ARHGAP31: variants seen among roughly 807,000 people sequenced by gnomAD.
The protein encoded by ARHGAP31 is Rho GTPase activating protein 31.
In ARHGAP31, 34 loss-of-function variants were observed where a neutral mutation model predicts 113.9. The observed-to-expected ratio is 0.30, with a 90% confidence interval of 0.23 to 0.40. The LOEUF is 0.40. Ranked by LOEUF, ARHGAP31 falls within the 10% of genes least tolerant of loss-of-function variation. ARHGAP31 has a pLI of 1.00. For synonymous variants in ARHGAP31, 650 were observed against 684.8 expected (o/e 0.95, Z 0.79); for missense variants, 1,548 against 1,767.1 (o/e 0.88, Z 2.22).
chr3:119,410,634 A>T (rs995164358), intron 11 of ARHGAP31, among the ~76,000 whole-genome samples: 4 of 152,120 alleles, frequency 2.6e-5, no homozygotes, highest in African/African-American at 9.7e-5. Flanking sequence ...TACAGGGAGG[A>T]CCCTGTAGGA....
At chr3:119,391,958 C>T (rs1343251146) in intron 7 of ARHGAP31, among the ~76,000 whole-genome samples, 4 of 152,154 alleles carry the variant, frequency 2.6e-5, no homozygotes, top group Non-Finnish European at 5.9e-5. Context: ...CTCCCTGATC[C>T]TCCAGAGATC....
intron 1 of ARHGAP31, among the ~76,000 whole-genome samples, chr3:119,333,991 G>A (rs2107608560): frequency 6.6e-6 from 1 of 152,218 alleles, no homozygotes; most frequent in South Asian, 2.1e-4. Context: ...ATCAACCCTG[G>A]CACATGTGCA....
chr3:119,342,842 G>A (rs538575605), intron 1 of ARHGAP31, among the ~76,000 whole-genome samples: 3 of 152,078 alleles, frequency 2.0e-5, no homozygotes, highest in South Asian at 2.1e-4. Flanking sequence ...CCCACTACTC[G>A]GGAGGCTGAG....
At chr3:119,371,921 C>A (rs2080301245) in intron 3 of ARHGAP31, among the ~76,000 whole-genome samples, 1 of 152,132 alleles carries the variant, frequency 6.6e-6, no homozygotes, top group Non-Finnish European at 1.5e-5. Context: ...CATCCATGTT[C>A]CTGCAAAGGA....
At chr3:119,411,548 T>G (rs2080716795) in intron 11 of ARHGAP31, among the ~76,000 whole-genome samples, 2 of 152,080 alleles carry the variant, frequency 1.3e-5, no homozygotes, top group Admixed American at 1.3e-4. Context: ...GGAAGGGAGT[T>G]TAGATGTTCA....
chr3:119,361,893 C>G (rs961725592), intron 1 of ARHGAP31, among the ~76,000 whole-genome samples: 9 of 152,230 alleles, frequency 5.9e-5, no homozygotes, highest in African/African-American at 2.2e-4. Flanking sequence ...AAAGCTAACA[C>G]TTCACAGTGA....
intron 1 of ARHGAP31, among the ~76,000 whole-genome samples, chr3:119,335,459 GGAGA>G: frequency 6.6e-6 from 1 of 152,294 alleles, no homozygotes; most frequent in South Asian, 2.1e-4. Context: ...TCCTCAAAGT[GGAGA>G]CACTTTGAGG....
At chr3:119,337,429 AG>A (rs145822138) in intron 1 of ARHGAP31, among the ~76,000 whole-genome samples, 2,858 of 152,308 alleles carry the variant, frequency 0.019, 83 homozygotes, top group African/African-American at 0.064. Context: ...TCATAAAGGC[AG>A]CACAGACCCA....
rs757142220 is a variant in ARHGAP31, at chr3:119,415,025, A to C, written c.3096A>C (p.Pro1032=). 1.9e-6 allele frequency: 3 copies of C among 1,614,176 alleles called. No homozygotes were observed. The Admixed American group carries it at 5.0e-5, about 27-fold the overall frequency. ...GACCAAGTGGTGTGCAACCCAACCC[A>C]GCAGAAACCAGCCCCATCAGCCTAG... ...QKGPSGVQPN[P]AETSPISLAE... The change falls in exon 12 of 12, where the codon CCA becomes CCC. Residue 1032 remains proline, a synonymous_variant. Coordinates refer to ENST00000264245, the MANE Select transcript of ARHGAP31 (RefSeq NM_020754.4).
chr3:119,307,457 A>G lies in ARHGAP31; in HGVS notation c.100+12453A>G, dbSNP rs1387818718. 9.9e-5 allele frequency among the ~76,000 whole-genome samples: 15 copies of G among 152,198 alleles called. 1 individual carries two copies. The highest frequency in any genetic ancestry group is 9.8e-4 in the Admixed American group (15 of 15,278). Reference sequence around the variant, plus strand: ...GTGGAAGTTGAGAAAGCTGAGAACAAATATTCCAAGGCCCCCATCTATCCC... The same window carrying G: ...GTGGAAGTTGAGAAAGCTGAGAACAGATATTCCAAGGCCCCCATCTATCCC... On this transcript the variant is annotated intron_variant, in intron 1 of 11. Coordinates refer to ENST00000264245, the MANE Select transcript of ARHGAP31 (RefSeq NM_020754.4).
At chr3:119,338,668 T>C (rs1686403759) in intron 1 of ARHGAP31, among the ~76,000 whole-genome samples, 1 of 152,224 alleles carries the variant, frequency 6.6e-6, no homozygotes, top group African/African-American at 2.4e-5. Context: ...AGCTAAAAAA[T>C]AGAATTTTAT....
chr3:119,357,347 T>G (rs1259574547), intron 1 of ARHGAP31, among the ~76,000 whole-genome samples: 1 of 151,400 alleles, frequency 6.6e-6, no homozygotes, highest in Admixed American at 6.6e-5. Flanking sequence ...GCCAGGAAGG[T>G]GTGAAGGTGC....
Position 119,294,544 on chromosome 3 carries a change from T to G in ARHGAP31, c.-361T>G, listed in dbSNP as rs2107588810. ...CGTCTCCGGGGCACTTAGTAAGGGG[T>G]GGGGAGAGCTTGCCCTCCCTCTTAA... On this transcript the variant is annotated 5_prime_UTR_variant, in exon 1 of 12. Transcript: ENST00000264245. 2 of 475,382 alleles carry G rather than the reference T, an allele frequency of 4.2e-6. No homozygotes were observed. The highest frequency in any genetic ancestry group is 7.2e-6 in the Non-Finnish European group (2 of 276,256). 29.4% of individuals were successfully genotyped at this position (475,382 alleles called of 1,614,324 possible).
intron 7 of ARHGAP31, among the ~76,000 whole-genome samples, chr3:119,391,702 T>C (rs554248766): frequency 8.0e-5 from 12 of 149,500 alleles, no homozygotes; most frequent in African/African-American, 3.0e-4. Flanking sequence ...AGGCAACCTT[T>C]CCATTGAAGG....
In ARHGAP31 at chr3:119,369,996, T is replaced by TA. The variant is rs146790934; in HGVS notation, c.348+1486dup. ...AAGAAAAAAATAGTCCAAAGCACAT[T>TA]AAAAAATGGGCATAAATGTTGACCT... On this transcript the variant is annotated intron_variant, in intron 3 of 11. Transcript: ENST00000264245. 3.4e-3 allele frequency among the ~76,000 whole-genome samples: 509 copies of TA among 151,330 alleles called. 4 individuals carry two copies. The highest frequency in any genetic ancestry group is 0.012 in the African/African-American group (490 of 41,294).
intron 1 of ARHGAP31, among the ~76,000 whole-genome samples, chr3:119,353,465 A>C (rs983300931): frequency 6.6e-6 from 1 of 152,188 alleles, no homozygotes; most frequent in Non-Finnish European, 1.5e-5. Flanking sequence ...TACCTCCCTC[A>C]TAAGGTGACT....
In ARHGAP31 at chr3:119,368,364, T is replaced by C; in HGVS notation, c.204-8T>C. 6.2e-7 allele frequency: 1 copy of C among 1,614,144 alleles called. No individual in the cohort carries two copies. The highest frequency in any genetic ancestry group is 8.5e-7 in the Non-Finnish European group (1 of 1,180,016). ...GGGATTGTTATGTCTCCGTCTGTGT[T>C]GTTTCAGGCAAGAGTTTGGCTCAGA... On this transcript the variant is annotated splice_region_variant and splice_polypyrimidine_tract_variant and intron_variant, in intron 2 of 11. Coordinates refer to ENST00000264245, the MANE Select transcript of ARHGAP31 (RefSeq NM_020754.4).
At chr3:119,391,174 T>C (rs548098248) in intron 7 of ARHGAP31, among the ~76,000 whole-genome samples, 191 bp downstream of exon 7, 89 of 152,308 alleles carry the variant, frequency 5.8e-4, no homozygotes, top group African/African-American at 2.1e-3. Flanking sequence ...GATGCCTTTA[T>C]GCATGCACTG....
At chr3:119,335,669 A>T (rs1027681417) in intron 1 of ARHGAP31, among the ~76,000 whole-genome samples, 1 of 152,140 alleles carries the variant, frequency 6.6e-6, no homozygotes. Context: ...CACTCTGAGG[A>T]GGAGGGGCAT....
Sources: gnomAD v4.1 joint callset for allele counts (sites outside exome capture counted in the v4.1 genomes callset) on GRCh38, gnomAD v4.1.1 for gene constraint, MANE v1.5 for transcripts, NCBI Gene and HGNC (gene_info 2026-07-23, HGNC 2026-07-21) for gene names.